PURG: variants seen among roughly 807,000 people sequenced by gnomAD.
PURG encodes purine rich element binding protein G, also known as purine-rich element-binding protein gamma.
PURG carries 3 observed loss-of-function variants against 24.3 expected under a neutral mutation model. That is an observed-to-expected ratio of 0.12 (90% CI 0.06 to 0.32). PURG has a LOEUF of 0.32. Among genes scored for constraint, PURG ranks in the 10% least tolerant of loss-of-function variants. The pLI is 1.00. For missense variants in PURG, 371 were observed against 439.1 expected, an observed-to-expected ratio of 0.84 and a Z score of 1.39; for synonymous variants, 180 against 173.1, an observed-to-expected ratio of 1.04 and a Z score of -0.31.
chr8:31,025,052 A>G (rs1254720144), intron 1 of PURG, among the ~76,000 whole-genome samples: 1 of 152,030 alleles, frequency 6.6e-6, no homozygotes. Context: ...TTTTTTCTTC[A>G]TATTCATATC....
At chr8:31,028,826 G>A (rs989779212), downstream of PURG, among the ~76,000 whole-genome samples, 3 of 151,770 alleles carry the variant, frequency 2.0e-5, no homozygotes, top group African/African-American at 7.2e-5. Flanking sequence ...TACAGTTTGA[G>A]CCTGTACCAC....
chr8:31,026,053 C>T (rs531238447), downstream of PURG, among the ~76,000 whole-genome samples: 3 of 151,950 alleles, frequency 2.0e-5, no homozygotes, highest in African/African-American at 7.2e-5. Flanking sequence ...ATACCTTTCT[C>T]ATAAAGATAA....
chr8:31,008,284 TG>T (rs1810694791), intron 1 of PURG, among the ~76,000 whole-genome samples: 1 of 152,224 alleles, frequency 6.6e-6, no homozygotes, highest in Admixed American at 6.5e-5. Context: ...AACAGCCTTA[TG>T]TACCTGAAGG....
intron 1 of PURG, among the ~76,000 whole-genome samples, chr8:31,003,137 C>T (rs756027241): frequency 6.6e-5 from 10 of 151,976 alleles, no homozygotes; most frequent in African/African-American, 9.7e-5. Context: ...TAAAGTAGGT[C>T]ATGTGAAAGG....
chr8:31,016,210 T>C (rs1810860598), intron 1 of PURG, among the ~76,000 whole-genome samples: 1 of 151,530 alleles, frequency 6.6e-6, no homozygotes, highest in Admixed American at 6.6e-5. Context: ...TGAAACCCTG[T>C]CTCTATCAAA....
At chr8:30,999,042 C>A (rs1810484603) in intron 1 of PURG, among the ~76,000 whole-genome samples, 1 of 151,692 alleles carries the variant, frequency 6.6e-6, no homozygotes. Context: ...GGTAACCTAA[C>A]AGAATGTATG....
chr8:31,016,485 C>A (rs1225573619), intron 1 of PURG, among the ~76,000 whole-genome samples: 1 of 145,012 alleles, frequency 6.9e-6, no homozygotes, highest in Non-Finnish European at 1.5e-5. Flanking sequence ...CCAAAAAAAT[C>A]ATCATTCCAT....
chr8:31,010,755 A>G (rs1420460117), intron 1 of PURG, among the ~76,000 whole-genome samples: 1 of 152,188 alleles, frequency 6.6e-6, no homozygotes. Context: ...GAACTAATCT[A>G]AATCAGGAGT....
At chr8:30,998,509 T>C (rs1810473198) in intron 1 of PURG, among the ~76,000 whole-genome samples, 1 of 151,802 alleles carries the variant, frequency 6.6e-6, no homozygotes, top group Admixed American at 6.6e-5. Flanking sequence ...AGAAGTTTGA[T>C]AGCATATGGA....
intron 1 of PURG, among the ~76,000 whole-genome samples, chr8:31,018,319 T>C (rs1467541447): frequency 6.6e-6 from 1 of 152,244 alleles, no homozygotes; most frequent in Non-Finnish European, 1.5e-5. Flanking sequence ...CAATAAATTC[T>C]GAATCCCTCA....
rs78246481 is a variant in PURG at position 31,011,475 on chromosome 8, C to G, written c.865-14778G>C. 7.8e-3 allele frequency among the ~76,000 whole-genome samples: 1,191 copies of G among 152,230 alleles called. 25 individuals are homozygous for G. Among genetic ancestry groups the G allele is most frequent in the African/African-American group, 0.028 (1,145 of 41,524 alleles). On this transcript the variant is annotated intron_variant, in intron 1 of 1. Transcript: ENST00000339382. Reference sequence around the variant, plus strand: ...TTTAAAATAGTATCATTGTATTTCTCTAAATCTGCATCAATGAAATATATT... The same window carrying G: ...TTTAAAATAGTATCATTGTATTTCTGTAAATCTGCATCAATGAAATATATT...
downstream of PURG, among the ~76,000 whole-genome samples, chr8:31,028,529 AC>A (rs1470976021): frequency 4.0e-5 from 6 of 151,834 alleles, no homozygotes; most frequent in Non-Finnish European, 8.9e-5. Flanking sequence ...TCATATTAGA[AC>A]CAATTATTTC....
chr8:31,029,579 C>A (rs1423777495), downstream of PURG, among the ~76,000 whole-genome samples: 2 of 151,616 alleles, frequency 1.3e-5, no homozygotes, highest in Non-Finnish European at 3.0e-5. Flanking sequence ...AAAAGGAAAT[C>A]ATTTAGACCT....
rs529461638 is a variant in PURG, at chr8:31,006,369, TG to T, written c.865-9673del. Among the ~76,000 whole-genome samples the T allele has an allele frequency of 7.4e-3, 1,116 of 151,712 alleles. 9 individuals are homozygous for T. The highest frequency in any genetic ancestry group is 0.026 in the African/African-American group (1,060 of 41,312). On this transcript the variant is annotated intron_variant, in intron 1 of 1. Transcript: ENST00000339382. The stretch of plus-strand genomic sequence containing the variant: ...CAGCACTTTGAGAGGGCGAGGAGGG[TG>T]GATCACAAGGTCAGGAGATTGAGAC...
chr8:31,003,227 A>T (rs1810574561), intron 1 of PURG, among the ~76,000 whole-genome samples: 1 of 152,230 alleles, frequency 6.6e-6, no homozygotes, highest in Non-Finnish European at 1.5e-5. Context: ...TGAACAAAAA[A>T]GTAAGTATGA....
intron 1 of PURG, among the ~76,000 whole-genome samples, chr8:31,023,809 A>G (rs1317261519): frequency 6.6e-6 from 1 of 152,192 alleles, no homozygotes; most frequent in Non-Finnish European, 1.5e-5. Flanking sequence ...GATATTGGAC[A>G]GGATCAACAA....
downstream of PURG, among the ~76,000 whole-genome samples, chr8:31,028,042 A>G (rs572098819): frequency 6.6e-6 from 1 of 151,918 alleles, no homozygotes; most frequent in South Asian, 2.1e-4. Context: ...TTTATTCATT[A>G]CTTAAACACA....
At chr8:31,020,846 C>G (rs923823287) in intron 1 of PURG, among the ~76,000 whole-genome samples, 2 of 152,076 alleles carry the variant, frequency 1.3e-5, no homozygotes, top group African/African-American at 4.8e-5. Flanking sequence ...TGCGGTCCCC[C>G]TAGATCACAG....
chr8:31,016,750 G>T (rs1286397901), intron 1 of PURG, among the ~76,000 whole-genome samples: 1 of 152,032 alleles, frequency 6.6e-6, no homozygotes, highest in African/African-American at 2.4e-5. Flanking sequence ...CTGAGGATGG[G>T]GACCAAACCT....
Sources: allele counts gnomAD v4.1 joint callset (sites outside exome capture counted in the v4.1 genomes callset), GRCh38; gene constraint gnomAD v4.1.1; transcripts MANE v1.5; gene names NCBI Gene and HGNC (gene_info 2026-07-23, HGNC 2026-07-21).